Variants in CST6 observed in about 807,000 individuals in gnomAD.
CST6 encodes the protein cystatin-M.
Under a neutral mutation model 10.7 loss-of-function variants are expected in CST6, and 8 were observed. The observed-to-expected ratio is 0.75, with a 90% CI of 0.44 to 1.34. The LOEUF (loss-of-function observed/expected upper bound fraction) is 1.34. Among genes scored for constraint, CST6 ranks in the 40% most tolerant of loss-of-function variants. CST6 has a pLI of 0.01. For synonymous variants in CST6, 100 were observed against 89.3 expected (o/e 1.12, Z -0.68); for missense variants, 206 against 205.1 (o/e 1.00, Z -0.03).
chr11:66,012,083 C>A lies in CST6; in HGVS notation c.39C>A (p.Ala13=), dbSNP rs753356639. 23 of 1,569,192 alleles carry A rather than the reference C, an allele frequency of 1.5e-5. 1 individual carries two copies. In the South Asian group the frequency reaches 2.6e-4, roughly 18 times the overall value. Residue 13 remains alanine (A), a synonymous_variant, in exon 1 of 3, where the codon GCC becomes GCA. Transcript: ENST00000312134. ...RSNLPLALGL[A]LVAFCLLALP... is the part of the protein sequence containing the mutation. ...ACCTCCCGCTGGCGCTGGGCCTGGC[C>A]CTGGTCGCATTCTGCCTCCTGGCGC...
chr11:66,012,675 C>CA (rs1856181133), intron 1 of CST6, 151 bp from the exon 2 acceptor site: 6 of 26,464 alleles, frequency 2.3e-4, no homozygotes, highest in East Asian at 1.9e-3. Flanking sequence ...CCCCCCCCCA[C>CA]CCCCCCCCAC....
chr11:66,012,921 T>C lies in CST6; in HGVS notation c.336T>C (p.Thr112=). ...CTGGAGACCACGTCGACCTCACCAC[T>C]TGCCCCCTGGCAGCAGGGGCGCAGC... ...RVTGDHVDLT[T]CPLAAGAQQE... Residue 112 remains threonine, a synonymous_variant, in exon 2 of 3, where the codon ACT becomes ACC. Coordinates refer to ENST00000312134, the MANE Select transcript of CST6 (RefSeq NM_001323.4). 6.2e-7 allele frequency: 1 copy of C among 1,613,108 alleles called. No homozygotes were observed. Among genetic ancestry groups the C allele is most frequent in the Non-Finnish European group, 8.5e-7 (1 of 1,179,616 alleles).
intron 1 of CST6, 98 bp from the exon 2 acceptor site, chr11:66,012,728 C>A: frequency 1.0e-6 from 1 of 993,226 alleles, no homozygotes; most frequent in East Asian, 4.2e-5. Context: ...CCTCTCTCCC[C>A]ACCTGAGTGC....
Position 66,012,214 on chromosome 11 carries a change from C to T in CST6, c.170C>T (p.Ala57Val). ...QVQKAAQAAV[A>V]SYNMGSNSIY... ...CAGAAGGCGGCGCAGGCGGCCGTGG[C>T]CAGCTACAACATGGGCAGCAACAGC... The change falls in exon 1 of 3, where the codon GCC (alanine) becomes GTC (valine). Residue 57 changes from alanine (A) to valine (V), a missense_variant. Physicochemically the swap from Ala to Val is moderately conservative, Grantham distance 64. Transcript: ENST00000312134. 3 of 1,596,240 alleles carry T rather than the reference C, an allele frequency of 1.9e-6. No homozygotes were observed. Among genetic ancestry groups the T allele is most frequent in the African/African-American group, 1.3e-5 (1 of 74,868 alleles).
chr11:66,012,071 G>A lies in CST6; in HGVS notation c.27G>A (p.Ala9=). 1 of 1,562,626 alleles carries A rather than the reference G, an allele frequency of 6.4e-7. No homozygotes were observed. Residue 9 remains alanine (A), a synonymous_variant, in exon 1 of 3, where the codon GCG becomes GCA. Transcript: ENST00000312134. The part of the protein sequence containing the change: MARSNLPL[A]LGLALVAFCL... ...TGGCGCGTTCGAACCTCCCGCTGGCGCTGGGCCTGGCCCTGGTCGCATTCT... is the reference window on the plus strand; with the variant it reads ...TGGCGCGTTCGAACCTCCCGCTGGCACTGGGCCTGGCCCTGGTCGCATTCT...
chr11:66,012,397 C>G, intron 1 of CST6, 113 bp downstream of exon 1: 1 of 1,302,780 alleles, frequency 7.7e-7, no homozygotes, highest in African/African-American at 1.5e-5. Context: ...TATTTTCATG[C>G]AATATTTTAA....
Position 66,012,693 on chromosome 11 carries a change from C to CCT in CST6, c.241-133_241-132insCT. On this transcript the variant is annotated intron_variant, in intron 1 of 2. Transcript: ENST00000312134. ...CCCCCCACCCCCCCCCACCCCCCCC[C>CCT]ACCCCGTCTGAATCATCCCCTCTCC... 1.1e-5 allele frequency: 2 copies of CCT among 175,024 alleles called. 1 individual carries two copies. The highest frequency in any genetic ancestry group is 3.7e-4 in the East Asian group (2 of 5,376). 10.8% of individuals were successfully genotyped at this position (175,024 alleles called of 1,614,324 possible).
chr11:66,012,650 A>C (rs1240166357), intron 1 of CST6, among the ~76,000 whole-genome samples, 176 bp from the exon 2 acceptor site: 20 of 96,228 alleles, frequency 2.1e-4, no homozygotes, highest in South Asian at 3.8e-4. Context: ...TCCACCCTCC[A>C]TCCCCACCAG....
At position 66,012,859 on chromosome 11, in the gene CST6, G is replaced by A; in HGVS notation, c.274G>A (p.Glu92Lys). 1.9e-6 allele frequency: 3 copies of A among 1,611,438 alleles called. No homozygotes were observed. Among genetic ancestry groups the A allele is most frequent in the Non-Finnish European group, 2.5e-6 (3 of 1,177,964 alleles). ...VAGIKYFLTM[E>K]MGSTDCRKTR... ...CGGCATCAAGTACTTCCTGACGATG[G>A]AGATGGGGAGCACAGACTGCCGCAA... Residue 92 changes from glutamate to lysine, a missense_variant, in exon 2 of 3, where the codon GAG becomes AAG. Physicochemically the swap from Glu to Lys is moderately conservative, Grantham distance 56. Transcript: ENST00000312134.
chr11:66,012,125 G>T lies in CST6; in HGVS notation c.81G>T (p.Arg27=). The part of the protein sequence containing the change: ...FCLLALPRDA[R]ARPQERMVGE... Reference sequence around the variant, plus strand: ...TCCTGGCGCTGCCACGCGACGCCCGGGCCCGGCCGCAGGAGCGCATGGTCG... The same window carrying T: ...TCCTGGCGCTGCCACGCGACGCCCGTGCCCGGCCGCAGGAGCGCATGGTCG... The change falls in exon 1 of 3, where the codon CGG becomes CGT. Residue 27 remains arginine, a synonymous_variant. Coordinates refer to ENST00000312134, the MANE Select transcript of CST6 (RefSeq NM_001323.4). 1 of 1,550,088 alleles carries T rather than the reference G, an allele frequency of 6.5e-7. No homozygotes were observed. Among genetic ancestry groups the T allele is most frequent in the East Asian group, 2.4e-5 (1 of 42,106 alleles).
At position 66,013,235 on chromosome 11, in the gene CST6, TGGCA is replaced by T. The variant is rs1280628571; in HGVS notation, c.367-76_367-73del. 2.3e-6 allele frequency: 3 copies of T among 1,324,238 alleles called. No individual in the cohort carries two copies. In the African/African-American group the frequency reaches 4.3e-5, roughly 19 times the overall value. The allele number at this position is 1,324,238 out of a possible 1,614,324, so 82.0% of individuals were successfully genotyped here. A position where few individuals can be genotyped will look rare whatever the true frequency, so the allele number is the denominator to read the frequency against. ...GTCCCTCTCTTGGCCTGGAGCAGCC[TGGCA>T]GGCAGAGGGCTGGCTGTTGGGAGGA... On this transcript the variant is annotated intron_variant, in intron 2 of 2. Coordinates refer to ENST00000312134, the MANE Select transcript of CST6 (RefSeq NM_001323.4).
At position 66,012,248 on chromosome 11, in the gene CST6, C is replaced by T. The variant is rs551037709; in HGVS notation, c.204C>T (p.Tyr68=). Residue 68 remains tyrosine (Y), a synonymous_variant, in exon 1 of 3, where the codon TAC becomes TAT. Transcript: ENST00000312134. ...SYNMGSNSIY[Y]FRDTHIIKAQ... is the part of the protein sequence containing the mutation. ...ACATGGGCAGCAACAGCATCTACTA[C>T]TTCCGAGACACGCACATCATCAAGG... 4 of 1,606,466 alleles carry T rather than the reference C, an allele frequency of 2.5e-6. No homozygotes were observed. The highest frequency in any genetic ancestry group is 1.7e-5 in the Admixed American group (1 of 59,650).
chr11:66,012,674 A>ACCCCCCCCCCCCCCCCCC lies in CST6; in HGVS notation c.241-143_241-142insCCCCCCCCCCCCCCCCCC, dbSNP rs1420287294. On this transcript the variant is annotated intron_variant, in intron 1 of 2. Coordinates refer to ENST00000312134, the MANE Select transcript of CST6 (RefSeq NM_001323.4). ...CATCCCCACCAGAACTCCCCCCCCC[A>ACCCCCCCCCCCCCCCCCC]CCCCCCCCCACCCCCCCCCACCCCG... 1.2e-4 allele frequency: 5 copies of ACCCCCCCCCCCCCCCCCC among 41,498 alleles called. 1 individual carries two copies. The highest frequency in any genetic ancestry group is 6.7e-4 in the South Asian group (2 of 2,998). 2.6% of individuals were successfully genotyped at this position (41,498 alleles called of 1,614,324 possible).
In CST6 at chr11:66,012,909, C is replaced by G. The variant is rs201325346; in HGVS notation, c.324C>G (p.Val108=). The change falls in exon 2 of 3, where the codon GTC becomes GTG. Residue 108 remains valine, a synonymous_variant. Transcript: ENST00000312134. ...CRKTRVTGDH[V]DLTTCPLAAG... is the part of the protein sequence containing the mutation. ...AGACCAGGGTCACTGGAGACCACGT[C>G]GACCTCACCACTTGCCCCCTGGCAG... is the stretch of plus-strand genomic sequence containing the variant. 3 of 1,613,778 alleles carry G rather than the reference C, an allele frequency of 1.9e-6. No homozygotes were observed. The highest frequency in any genetic ancestry group is 2.5e-6 in the Non-Finnish European group (3 of 1,179,978).
intron 2 of CST6, 54 bp downstream of exon 2, chr11:66,013,005 G>T: frequency 6.2e-7 from 1 of 1,602,208 alleles, no homozygotes; most frequent in Non-Finnish European, 8.5e-7. Flanking sequence ...AGGCACTCAG[G>T]TTGTCCATCC....
rs774204269 is a variant in CST6 at position 66,012,142 on chromosome 11, G to T, written c.98G>T (p.Arg33Leu). Residue 33 changes from arginine to leucine, a missense_variant, in exon 1 of 3, where the codon CGC becomes CTC. By Grantham distance (102) the Arg-to-Leu change is moderately radical. Coordinates refer to ENST00000312134, the MANE Select transcript of CST6 (RefSeq NM_001323.4). Reference protein sequence around the residue: ...PRDARARPQERMVGELRDLSP... With the variant: ...PRDARARPQELMVGELRDLSP... ...GACGCCCGGGCCCGGCCGCAGGAGCGCATGGTCGGAGAACTCCGGGACCTG... is the reference window on the plus strand; with the variant it reads ...GACGCCCGGGCCCGGCCGCAGGAGCTCATGGTCGGAGAACTCCGGGACCTG... 29 of 1,552,778 alleles carry T rather than the reference G, an allele frequency of 1.9e-5. No individual in the cohort carries two copies. Among genetic ancestry groups the T allele is most frequent in the Admixed American group, 1.2e-4 (6 of 51,796 alleles).
chr11:66,013,018 AAC>A, intron 2 of CST6, 67 bp downstream of exon 2: 1 of 1,586,778 alleles, frequency 6.3e-7, no homozygotes, highest in Non-Finnish European at 8.6e-7. Flanking sequence ...GTCCATCCTG[AAC>A]TGGTTTGGCT....
chr11:66,012,756 A>C, intron 1 of CST6, 70 bp from the exon 2 acceptor site: 2 of 1,405,240 alleles, frequency 1.4e-6, no homozygotes, highest in Non-Finnish European at 1.9e-6. Context: ...CAACAGGAGA[A>C]TATATCAAGA....
At chr11:66,012,762 CAA>C in intron 1 of CST6, 62 bp from the exon 2 acceptor site, 1 of 1,472,254 alleles carries the variant, frequency 6.8e-7, no homozygotes, top group Non-Finnish European at 9.1e-7. Context: ...GAGAATATAT[CAA>C]GAGGTGAGAA....
Sources: gnomAD v4.1 joint callset for allele counts (sites outside exome capture counted in the v4.1 genomes callset) on GRCh38, gnomAD v4.1.1 for gene constraint, MANE v1.5 for transcripts, NCBI Gene and HGNC (gene_info 2026-07-23, HGNC 2026-07-21) for gene names.